The following CPEB3 variants were observed in gnomAD, a reference collection of about 807,000 sequenced individuals.
CPEB3 encodes the protein cytoplasmic polyadenylation element-binding protein 3.
CPEB3 carries 20 observed loss-of-function variants against 67.2 expected under a neutral mutation model. The observed-to-expected ratio is 0.30, with a 90% CI of 0.21 to 0.43. CPEB3 has a LOEUF of 0.43. Ranked by LOEUF, CPEB3 falls within the 20% of genes least tolerant of loss-of-function variation. The probability of loss-of-function intolerance (pLI) is 1.00; values close to 1 mark genes in which losing one functional copy is unlikely to be tolerated. For missense variants in CPEB3, 746 were observed against 968.6 expected, an observed-to-expected ratio of 0.77 and a Z score of 3.05; for synonymous variants, 376 against 393.1, an observed-to-expected ratio of 0.96 and a Z score of 0.51.
chr10:92,056,231 C>T (rs10882019), intron 9 of CPEB3, among the ~76,000 whole-genome samples: 41,814 of 151,876 alleles, frequency 0.28, 5,852 homozygotes, highest in Middle Eastern at 0.33. Flanking sequence ...CACGATGCTC[C>T]ACAAACACAG....
At chr10:92,238,957 C>T (rs1442321342) in intron 2 of CPEB3, among the ~76,000 whole-genome samples, 1 of 152,122 alleles carries the variant, frequency 6.6e-6, no homozygotes, top group Non-Finnish European at 1.5e-5. Context: ...GATTGCATAA[C>T]CTGAAATGTG....
At chr10:92,134,970 G>C (rs1846021217) in intron 6 of CPEB3, among the ~76,000 whole-genome samples, 1 of 152,076 alleles carries the variant, frequency 6.6e-6, no homozygotes. Flanking sequence ...TATGTAGAAA[G>C]CTGAAACTGG....
Position 92,048,571 on chromosome 10 carries a change from C to T in CPEB3, c.*3641G>A, listed in dbSNP as rs1229326486. 6.6e-6 allele frequency: 1 copy of T among 152,482 alleles called. No homozygotes were observed. Among genetic ancestry groups the T allele is most frequent in the African/African-American group, 2.4e-5 (1 of 41,412 alleles). The allele number at this position is 152,482 out of a possible 1,614,324, so 9.4% of individuals were successfully genotyped here. On this transcript the variant is annotated 3_prime_UTR_variant, in exon 10 of 10. Transcript: ENST00000265997. The surrounding 1 kb of genome is among the most constrained non-coding windows in gnomAD (Gnocchi z 4.1). ...CCACCGTGACATCCCTAGAGAACTG[C>T]ACTGTGACATCCCTAGTCTTACACT...
At position 92,165,027 on chromosome 10, in the gene CPEB3, T is replaced by A. The variant is rs147850922; in HGVS notation, c.1222+15936A>T. ...CACTGTAATACAGCAAATATCACAGTAAAGCAAGTCACACAATTTTTTTAT... is the reference window on the plus strand; with the variant it reads ...CACTGTAATACAGCAAATATCACAGAAAAGCAAGTCACACAATTTTTTTAT... On this transcript the variant is annotated intron_variant, in intron 4 of 9. Coordinates refer to ENST00000265997, the MANE Select transcript of CPEB3 (RefSeq NM_014912.5). 9.2e-4 allele frequency among the ~76,000 whole-genome samples: 140 copies of A among 152,342 alleles called. 1 individual carries two copies. The highest frequency in any genetic ancestry group is 3.2e-3 in the African/African-American group (134 of 41,586).
At chr10:92,100,852 A>C (rs1157423620) in intron 7 of CPEB3, among the ~76,000 whole-genome samples, 2 of 152,146 alleles carry the variant, frequency 1.3e-5, no homozygotes. Flanking sequence ...CGGCTTCCCA[A>C]AGTGCTGGGA....
chr10:92,125,514 C>A (rs144140802), intron 6 of CPEB3, among the ~76,000 whole-genome samples: 170 of 152,266 alleles, frequency 1.1e-3, no homozygotes, highest in African/African-American at 3.9e-3. Flanking sequence ...GAGGCTATTG[C>A]AGTATCAGGA....
At chr10:92,264,540 A>AT (rs1170880843) in intron 1 of CPEB3, among the ~76,000 whole-genome samples, 2 of 151,970 alleles carry the variant, frequency 1.3e-5, no homozygotes, top group African/African-American at 4.8e-5. Flanking sequence ...TTTGGTAATC[A>AT]TGTTTTTTCT....
intron 1 of CPEB3, among the ~76,000 whole-genome samples, chr10:92,278,424 T>C (rs1842094505): frequency 6.6e-6 from 1 of 152,154 alleles, no homozygotes; most frequent in Non-Finnish European, 1.5e-5. Context: ...ACTTTTCAGA[T>C]GTTATATACT....
At chr10:92,107,080 CAG>C (rs1184147364) in intron 7 of CPEB3, among the ~76,000 whole-genome samples, 1 of 152,056 alleles carries the variant, frequency 6.6e-6, no homozygotes, top group Non-Finnish European at 1.5e-5. Context: ...CATATACAAA[CAG>C]GGGGAGGAGG....
At chr10:92,281,390 G>C (rs1233179012) in intron 1 of CPEB3, among the ~76,000 whole-genome samples, 1 of 151,774 alleles carries the variant, frequency 6.6e-6, no homozygotes, top group East Asian at 2.0e-4. Context: ...CACCACGCTG[G>C]CCTTTTTAAA....
At position 92,264,288 on chromosome 10, in the gene CPEB3, A is replaced by T; in HGVS notation, c.-11-23927T>A. ...GGTTGCAGTAAGCTGAGATCATGCC[A>T]CTGCACTCCAGCCTGGGGGACAGAG... is the stretch of plus-strand genomic sequence containing the variant. On this transcript the variant is annotated intron_variant, in intron 1 of 9. Coordinates refer to ENST00000265997, the MANE Select transcript of CPEB3 (RefSeq NM_014912.5). 1.3e-5 allele frequency among the ~76,000 whole-genome samples: 2 copies of T among 151,774 alleles called. 1 individual carries two copies. Among genetic ancestry groups the T allele is most frequent in the Non-Finnish European group, 2.9e-5 (2 of 67,952 alleles).
intron 2 of CPEB3, among the ~76,000 whole-genome samples, chr10:92,199,509 G>A (rs1334671954): frequency 1.3e-5 from 2 of 151,292 alleles, no homozygotes; most frequent in East Asian, 1.9e-4. Flanking sequence ...TGGCTAACAC[G>A]GTGAAACCCC....
intron 2 of CPEB3, among the ~76,000 whole-genome samples, chr10:92,237,682 T>A (rs1851604954): frequency 6.6e-6 from 1 of 152,118 alleles, no homozygotes; most frequent in South Asian, 2.1e-4. Context: ...GTACGGAGCA[T>A]GAGAATAAAG....
At chr10:92,106,840 AGAAAGAAAG>A (rs1844493777) in intron 7 of CPEB3, among the ~76,000 whole-genome samples, 2 of 141,970 alleles carry the variant, frequency 1.4e-5, no homozygotes, top group Admixed American at 7.0e-5. Flanking sequence ...AAAAAAAAAA[AGAAAGAAAG>A]AAAAAAGAAA....
At chr10:92,274,643 C>G (rs149410188) in intron 1 of CPEB3, among the ~76,000 whole-genome samples, 17,333 of 152,016 alleles carry the variant, frequency 0.11, 1,279 homozygotes, top group Middle Eastern at 0.19. Flanking sequence ...GAGTTCAAGA[C>G]CAGCCTCTCC....
intron 1 of CPEB3, among the ~76,000 whole-genome samples, chr10:92,272,478 T>C (rs1049746096): frequency 6.6e-6 from 1 of 152,178 alleles, no homozygotes; most frequent in African/African-American, 2.4e-5. Context: ...TTAGAAACCA[T>C]ATATAGGCAC....
At chr10:92,195,216 G>A (rs1011993379) in intron 2 of CPEB3, among the ~76,000 whole-genome samples, 1 of 152,166 alleles carries the variant, frequency 6.6e-6, no homozygotes, top group Non-Finnish European at 1.5e-5. Flanking sequence ...TCAGGGTCTT[G>A]AGCAGTCTTT....
chr10:92,110,630 C>T (rs78391448), intron 7 of CPEB3, among the ~76,000 whole-genome samples: 370 of 152,340 alleles, frequency 2.4e-3, no homozygotes, highest in Non-Finnish European at 4.2e-3. Flanking sequence ...GCTCCTGACC[C>T]AGAAGGCTCT....
At chr10:92,105,270 T>C (rs1409033623) in intron 7 of CPEB3, among the ~76,000 whole-genome samples, 1 of 152,318 alleles carries the variant, frequency 6.6e-6, no homozygotes, top group East Asian at 1.9e-4. Context: ...AAGAATGAAA[T>C]ACCTGTAGTA....
Sources: allele counts gnomAD v4.1 joint callset (sites outside exome capture counted in the v4.1 genomes callset), GRCh38; gene constraint gnomAD v4.1.1; non-coding constraint Gnocchi (gnomAD v3.1); transcripts MANE v1.5; gene names NCBI Gene and HGNC (gene_info 2026-07-23, HGNC 2026-07-21).